PRKN: variants seen among roughly 807,000 people sequenced by gnomAD.
PRKN encodes parkin RBR E3 ubiquitin protein ligase, also known as E3 ubiquitin-protein ligase parkin.
In PRKN, 56 loss-of-function variants were observed where a neutral mutation model predicts 59.5. The ratio of observed to expected loss-of-function variants is 0.94; its 90% confidence interval spans 0.76 to 1.18. The LOEUF (loss-of-function observed/expected upper bound fraction) is 1.18, where lower values mean the gene tolerates loss of function less well. Among genes scored for constraint, PRKN ranks in the 50% most tolerant of loss-of-function variants. PRKN has a pLI of 0.00. For synonymous variants in PRKN, 250 were observed against 222.1 expected, an observed-to-expected ratio of 1.13 and a Z score of -1.12; for missense variants, 657 against 596.4, an observed-to-expected ratio of 1.10 and a Z score of -1.06.
chr6:161,756,852 T>C (rs1788948183), intron 7 of PRKN, among the ~76,000 whole-genome samples: 2 of 152,066 alleles, frequency 1.3e-5, no homozygotes, highest in Non-Finnish European at 2.9e-5. Context: ...AATGTAAATC[T>C]ACAGAAATCA....
chr6:161,545,471 T>C lies in PRKN; in HGVS notation c.1083+3383A>G. ...GCAAAGAGTAAAAAGAGATTCACCT[T>C]CTTCTAACTTTTATGTATTTGGCCA... On this transcript the variant is annotated intron_variant, in intron 9 of 11. Transcript: ENST00000366898. This position sits in a 1 kb window ranked among gnomAD's most constrained non-coding sequence, Gnocchi z 4.1. 1 of 1,461,822 alleles carries C rather than the reference T, an allele frequency of 6.8e-7. No homozygotes were observed. The highest frequency in any genetic ancestry group is 9.6e-7 in the Non-Finnish European group (1 of 1,042,876). 90.6% of individuals were successfully genotyped at this position (1,461,822 alleles called of 1,614,324 possible). A position where few individuals can be genotyped will look rare whatever the true frequency, so the allele number is the denominator to read the frequency against.
At chr6:162,623,371 C>CTA (rs1405531654) in intron 1 of PRKN, among the ~76,000 whole-genome samples, 1 of 152,068 alleles carries the variant, frequency 6.6e-6, no homozygotes. Context: ...ATGAATGTTG[C>CTA]TATTATCTGC....
intron 6 of PRKN, among the ~76,000 whole-genome samples, chr6:161,803,627 G>A (rs895085197): frequency 1.3e-5 from 2 of 152,228 alleles, no homozygotes; most frequent in African/African-American, 4.8e-5. Flanking sequence ...TGAGAAGGCT[G>A]GACGTAGTGT....
At chr6:162,380,392 T>C (rs1003867594) in intron 2 of PRKN, among the ~76,000 whole-genome samples, 41 of 125,500 alleles carry the variant, frequency 3.3e-4, no homozygotes, top group African/African-American at 1.3e-3. Flanking sequence ...GATAATAGTT[T>C]AAAGCTATAT....
chr6:161,474,696 G>A (rs1013316861), intron 9 of PRKN, among the ~76,000 whole-genome samples: 4 of 151,662 alleles, frequency 2.6e-5, no homozygotes, highest in African/African-American at 9.7e-5. Flanking sequence ...GTGGGTTCAC[G>A]CCATTCTCCT....
In PRKN at chr6:161,428,747, T is replaced by C. The variant is rs1008743698; in HGVS notation, c.1084-41870A>G. ...TTTTTCTTTCATTTTTCTGCCTGAG[T>C]ACCTCTACCTTGGAAAACCTCCATC... On this transcript the variant is annotated intron_variant, in intron 9 of 11. Coordinates refer to ENST00000366898, the MANE Select transcript of PRKN (RefSeq NM_004562.3). The surrounding 1 kb of genome is among the most constrained non-coding windows in gnomAD (Gnocchi z 4.0). 1.3e-5 allele frequency among the ~76,000 whole-genome samples: 2 copies of C among 152,182 alleles called. No homozygotes were observed. The highest frequency in any genetic ancestry group is 2.9e-5 in the Non-Finnish European group (2 of 68,036).
chr6:161,744,691 G>A (rs1269508900), intron 7 of PRKN, among the ~76,000 whole-genome samples: 2 of 152,156 alleles, frequency 1.3e-5, no homozygotes, highest in Non-Finnish European at 2.9e-5. Flanking sequence ...CTGTACTGAC[G>A]CTCCTAGCTT....
chr6:162,279,948 A>T (rs1256946007), intron 2 of PRKN, among the ~76,000 whole-genome samples: 1 of 151,576 alleles, frequency 6.6e-6, no homozygotes, highest in African/African-American at 2.4e-5. Context: ...GTCTGTTTTG[A>T]TCTTTGTTGG....
chr6:162,079,260 G>A (rs1778960382), intron 4 of PRKN, among the ~76,000 whole-genome samples: 1 of 152,142 alleles, frequency 6.6e-6, no homozygotes, highest in Non-Finnish European at 1.5e-5. Flanking sequence ...GGAAAAGCAA[G>A]GACGATAGTT....
intron 2 of PRKN, among the ~76,000 whole-genome samples, chr6:162,268,072 T>A (rs9347607): frequency 0.057 from 8,749 of 152,206 alleles, 398 homozygotes; most frequent in African/African-American, 0.12. Flanking sequence ...GTTATGTTAA[T>A]AATAAAAAAC....
intron 1 of PRKN, among the ~76,000 whole-genome samples, chr6:162,610,554 G>A (rs759253699): frequency 6.6e-5 from 10 of 152,040 alleles, no homozygotes; most frequent in Non-Finnish European, 1.2e-4. Flanking sequence ...GATTTCTTGT[G>A]GTATAATAGT....
chr6:162,421,869 T>C (rs1387053869), intron 2 of PRKN, among the ~76,000 whole-genome samples: 3 of 152,170 alleles, frequency 2.0e-5, no homozygotes, highest in Admixed American at 1.3e-4. Flanking sequence ...TAAGAGATAT[T>C]CTACTAAACT....
chr6:162,091,629 T>C (rs544045144), intron 4 of PRKN, among the ~76,000 whole-genome samples: 142 of 152,344 alleles, frequency 9.3e-4, no homozygotes, highest in Non-Finnish European at 1.7e-3. Context: ...TCTAAAAGTA[T>C]ACAGGGCAGA....
At chr6:161,737,222 C>G (rs1203468077) in intron 7 of PRKN, among the ~76,000 whole-genome samples, 1 of 152,170 alleles carries the variant, frequency 6.6e-6, no homozygotes, top group Non-Finnish European at 1.5e-5. Context: ...TGGCCTTCAC[C>G]AGGAAGGCAA....
chr6:162,458,608 T>C (rs1791017122), intron 1 of PRKN, among the ~76,000 whole-genome samples: 2 of 150,816 alleles, frequency 1.3e-5, no homozygotes, highest in South Asian at 4.2e-4. Context: ...TTGCTGGCTC[T>C]GTGAGTAAAA....
chr6:162,450,849 A>C (rs544950344), intron 1 of PRKN, among the ~76,000 whole-genome samples: 12 of 152,304 alleles, frequency 7.9e-5, no homozygotes, highest in Admixed American at 7.2e-4. Context: ...AGAATATCCA[A>C]ATACAGTTTG....
chr6:162,257,540 C>T (rs150747331), intron 3 of PRKN, among the ~76,000 whole-genome samples: 6 of 152,132 alleles, frequency 3.9e-5, no homozygotes, highest in Non-Finnish European at 7.4e-5. Flanking sequence ...TGAAGTGAGA[C>T]GGTCCCTGGG....
chr6:161,561,020 C>A lies in PRKN; in HGVS notation c.933+8335G>T, dbSNP rs1370205591. Among the ~76,000 whole-genome samples, 1 of 152,174 alleles carries A rather than the reference C, an allele frequency of 6.6e-6. No individual in the cohort carries two copies. Among genetic ancestry groups the A allele is most frequent in the Non-Finnish European group, 1.5e-5 (1 of 68,040 alleles). ...GGACACAATGGCACGATGACTTTCT[C>A]TTAAATAATGGACCACAAACTTCAA... On this transcript the variant is annotated intron_variant, in intron 8 of 11. Transcript: ENST00000366898. The surrounding 1 kb of genome is among the most constrained non-coding windows in gnomAD (Gnocchi z 5.0).
chr6:162,170,309 G>T (rs568726298), intron 4 of PRKN, among the ~76,000 whole-genome samples: 8 of 152,304 alleles, frequency 5.3e-5, no homozygotes, highest in African/African-American at 1.9e-4. Context: ...AAATGGGATT[G>T]CTCCGGAAAA....
Sources: gnomAD v4.1 joint callset for allele counts (sites outside exome capture counted in the v4.1 genomes callset) on GRCh38, gnomAD v4.1.1 for gene constraint, Gnocchi (gnomAD v3.1) non-coding constraint, MANE v1.5 for transcripts, NCBI Gene and HGNC (gene_info 2026-07-23, HGNC 2026-07-21) for gene names.